The following THSD4 variants were observed in gnomAD, a reference collection of about 807,000 sequenced individuals.
The protein encoded by THSD4 is thrombospondin type-1 domain-containing protein 4.
Under a neutral mutation model 119.0 loss-of-function variants are expected in THSD4, and 69 were observed. That is an observed-to-expected ratio of 0.58 (90% confidence interval 0.48 to 0.71). The LOEUF is 0.71. THSD4 is among the 30% of genes least tolerant of loss of function. THSD4 has a pLI of 0.00. For synonymous variants in THSD4, 524 were observed against 540.4 expected, an observed-to-expected ratio of 0.97 and a Z score of 0.42; for missense variants, 1,393 against 1,391.1, an observed-to-expected ratio of 1.00 and a Z score of -0.02.
intron 7 of THSD4, among the ~76,000 whole-genome samples, chr15:71,591,005 C>CAAAAAAAAAAAAAAAAAAAAA (rs67271025): frequency 1.0e-4 from 6 of 57,508 alleles, no homozygotes; most frequent in Non-Finnish European, 1.2e-4. Context: ...GACTCCATCT[C>CAAAAAAAAAAAAAAAAAAAAA]AAAAAAAAAA....
intron 7 of THSD4, among the ~76,000 whole-genome samples, chr15:71,479,006 C>T (rs1440904058): frequency 2.6e-5 from 4 of 152,020 alleles, no homozygotes; most frequent in Non-Finnish European, 4.4e-5. Flanking sequence ...TCCTTAACAC[C>T]AGAGAGCTGT....
At chr15:71,547,036 C>T (rs1171457200) in intron 7 of THSD4, among the ~76,000 whole-genome samples, 1 of 152,212 alleles carries the variant, frequency 6.6e-6, no homozygotes, top group Non-Finnish European at 1.5e-5. Flanking sequence ...GAGGTAGGGG[C>T]TGTCCCCCTG....
chr15:71,399,133 G>A (rs1013916214), intron 6 of THSD4, among the ~76,000 whole-genome samples: 5 of 152,008 alleles, frequency 3.3e-5, no homozygotes, highest in African/African-American at 1.2e-4. Flanking sequence ...AGTGAGGTGG[G>A]GGGTGCAGTG....
intron 8 of THSD4, among the ~76,000 whole-genome samples, chr15:71,686,614 A>G (rs557708257): frequency 6.6e-6 from 1 of 152,330 alleles, no homozygotes; most frequent in East Asian, 1.9e-4. Context: ...AGCTTGGGTT[A>G]TAAGGACAAA....
At chr15:71,500,770 GA>G (rs2048099566) in intron 7 of THSD4, among the ~76,000 whole-genome samples, 1 of 152,186 alleles carries the variant, frequency 6.6e-6, no homozygotes, top group East Asian at 1.9e-4. Context: ...CACCCTTGTG[GA>G]AGATCATTTG....
At chr15:71,270,243 C>T (rs1326449677) in intron 6 of THSD4, among the ~76,000 whole-genome samples, 3 of 152,070 alleles carry the variant, frequency 2.0e-5, no homozygotes, top group Admixed American at 6.6e-5. Flanking sequence ...GTACTGGTAC[C>T]AAAACTGATA....
intron 7 of THSD4, among the ~76,000 whole-genome samples, chr15:71,440,277 C>G (rs2047072214): frequency 6.6e-6 from 1 of 152,162 alleles, no homozygotes; most frequent in Non-Finnish European, 1.5e-5. Context: ...TAAGCTTTGT[C>G]TCCCTTGTGA....
intron 6 of THSD4, among the ~76,000 whole-genome samples, chr15:71,403,914 A>G (rs1007972494): frequency 2.0e-5 from 3 of 152,154 alleles, no homozygotes; most frequent in African/African-American, 7.2e-5. Flanking sequence ...TGTATCCATG[A>G]AACAGTAACA....
At position 71,447,158 on chromosome 15, in the gene THSD4, G is replaced by T. The variant is rs1382919698; in HGVS notation, c.1152+35335G>T. 4.5e-5 allele frequency among the ~76,000 whole-genome samples: 5 copies of T among 112,098 alleles called. No homozygotes were observed. The East Asian group carries it at 1.4e-3, about 32-fold the overall frequency. 73.5% of individuals were successfully genotyped at this position (112,098 alleles called of 152,430 possible). A position where few individuals can be genotyped will look rare whatever the true frequency, so the allele number is the denominator to read the frequency against. On this transcript the variant is annotated intron_variant, in intron 7 of 17. Transcript: ENST00000261862. ...TTTTTTGGAGACAGAATCTCACTCTGTCGCCAGGCTGGAGTGCAGTGATGC... is the reference window on the plus strand; with the variant it reads ...TTTTTTGGAGACAGAATCTCACTCTTTCGCCAGGCTGGAGTGCAGTGATGC...
At chr15:71,189,059 C>G (rs1409914440) in intron 3 of THSD4, 4 of 152,362 alleles carry the variant, frequency 2.6e-5, no homozygotes, top group African/African-American at 4.8e-5. Context: ...ATTGAGTACT[C>G]AACATATGGA....
At chr15:71,375,503 G>C (rs927314404) in intron 6 of THSD4, among the ~76,000 whole-genome samples, 1 of 152,124 alleles carries the variant, frequency 6.6e-6, no homozygotes, top group African/African-American at 2.4e-5. Context: ...GCCCCCTACT[G>C]TGTCTTTTTT....
chr15:71,400,832 A>AAC (rs1359352758), intron 6 of THSD4, among the ~76,000 whole-genome samples: 2 of 151,072 alleles, frequency 1.3e-5, no homozygotes, highest in Admixed American at 6.6e-5. Flanking sequence ...TCCACAAAAA[A>AAC]AGAAAAAAAA....
At chr15:71,597,710 C>A (rs746929282) in intron 7 of THSD4, among the ~76,000 whole-genome samples, 1 of 152,130 alleles carries the variant, frequency 6.6e-6, no homozygotes, top group Non-Finnish European at 1.5e-5. Flanking sequence ...ATGACACTGA[C>A]GAATTTTTAA....
At chr15:71,217,119 A>G (rs1308479970) in intron 4 of THSD4, among the ~76,000 whole-genome samples, 2 of 152,190 alleles carry the variant, frequency 1.3e-5, no homozygotes, top group African/African-American at 2.4e-5. Flanking sequence ...TCTGAAATGC[A>G]TATGGCCAAT....
chr15:71,113,387 A>C (rs183927648), upstream of THSD4: 1 of 152,326 alleles, frequency 6.6e-6, no homozygotes, highest in Admixed American at 6.5e-5. Flanking sequence ...GGATGTTAAC[A>C]TTAGAGGAAG....
chr15:71,341,305 A>C, intron 6 of THSD4: 1 of 1,601,268 alleles, frequency 6.2e-7, no homozygotes, highest in Non-Finnish European at 8.5e-7. Flanking sequence ...TGTATGGGTT[A>C]ATCCGACCAT....
At position 71,765,108 on chromosome 15, in the gene THSD4, C is replaced by T. The variant is rs2053692847; in HGVS notation, c.2678C>T (p.Ser893Phe). ...GACACCTTTGAAGTGTTGGACCCCT[C>T]TGAATGTTCTTTCCTGGAGAAACCC... is the stretch of plus-strand genomic sequence containing the variant. ...NADTFEVLDP[S>F]ECSFLEKPPS... The change falls in exon 16 of 18, where the codon TCT becomes TTT. Residue 893 changes from serine to phenylalanine, a missense_variant. By Grantham distance (155) the Ser-to-Phe change is radical. Coordinates refer to ENST00000261862, the MANE Select transcript of THSD4 (RefSeq NM_024817.3). 1 of 1,614,146 alleles carries T rather than the reference C, an allele frequency of 6.2e-7. No homozygotes were observed. Among genetic ancestry groups the T allele is most frequent in the African/African-American group, 1.3e-5 (1 of 74,950 alleles).
At chr15:71,771,005 A>G (rs1339535657) in intron 16 of THSD4, 59 bp from the exon 17 acceptor site, 3 of 1,575,120 alleles carry the variant, frequency 1.9e-6, no homozygotes, top group Non-Finnish European at 2.6e-6. Flanking sequence ...TTCTTTCTCC[A>G]GTGTGCTGAG....
chr15:71,539,812 T>G (rs2048733473), intron 7 of THSD4, among the ~76,000 whole-genome samples: 2 of 152,210 alleles, frequency 1.3e-5, no homozygotes, highest in African/African-American at 4.8e-5. Flanking sequence ...TTGGCATTCA[T>G]TGAATCAGGC....
Sources: allele counts gnomAD v4.1 joint callset (sites outside exome capture counted in the v4.1 genomes callset), GRCh38; gene constraint gnomAD v4.1.1; transcripts MANE v1.5; gene names NCBI Gene and HGNC (gene_info 2026-07-23, HGNC 2026-07-21).